CDH13: variants seen among roughly 807,000 people sequenced by gnomAD.
CDH13 encodes the protein cadherin-13.
Under a neutral mutation model 63.8 loss-of-function variants are expected in CDH13, and 24 were observed. The observed-to-expected ratio is 0.38, with a 90% CI of 0.27 to 0.53. The LOEUF (loss-of-function observed/expected upper bound fraction) is 0.53, where lower values mean the gene tolerates loss of function less well. Ranked by LOEUF, CDH13 falls within the 20% of genes least tolerant of loss-of-function variation. The pLI is 0.85. For missense variants in CDH13, 1,049 were observed against 903.1 expected (o/e 1.16, Z -2.07); for synonymous variants, 503 against 355.3 (o/e 1.42, Z -4.67).
intron 11 of CDH13, among the ~76,000 whole-genome samples, chr16:83,769,946 C>T (rs1044700682): frequency 2.0e-5 from 3 of 152,138 alleles, no homozygotes; most frequent in African/African-American, 4.8e-5. Context: ...TACTTGGTTA[C>T]GGTACATGAC....
At chr16:83,698,691 C>T (rs1039901281) in intron 10 of CDH13, among the ~76,000 whole-genome samples, 1 of 152,202 alleles carries the variant, frequency 6.6e-6, no homozygotes, top group African/African-American at 2.4e-5. Flanking sequence ...GCTAACAAGC[C>T]GGGTCAGTAA....
intron 2 of CDH13, among the ~76,000 whole-genome samples, chr16:82,867,321 C>T (rs771551073): frequency 1.4e-4 from 21 of 152,086 alleles, no homozygotes; most frequent in African/African-American, 4.1e-4. Context: ...GGAAATTTGC[C>T]GGTGTGTTTT....
intron 5 of CDH13, among the ~76,000 whole-genome samples, chr16:83,267,393 A>G (rs931293435): frequency 2.6e-5 from 4 of 152,160 alleles, no homozygotes; most frequent in Non-Finnish European, 5.9e-5. Context: ...TACCAGTGTC[A>G]GAGGCAGGCA....
intron 2 of CDH13, among the ~76,000 whole-genome samples, chr16:82,932,195 A>G (rs1482543756): frequency 6.6e-6 from 1 of 152,144 alleles, no homozygotes; most frequent in Non-Finnish European, 1.5e-5. Context: ...CATTTTAAAG[A>G]TTGTTGCTAT....
intron 5 of CDH13, among the ~76,000 whole-genome samples, chr16:83,285,973 C>T (rs2151860768): frequency 6.6e-6 from 1 of 152,302 alleles, no homozygotes; most frequent in East Asian, 1.9e-4. Flanking sequence ...CCATGTCCTG[C>T]CCACTTTCTG....
At chr16:83,385,699 A>G (rs1422331649) in intron 6 of CDH13, among the ~76,000 whole-genome samples, 1 of 152,182 alleles carries the variant, frequency 6.6e-6, no homozygotes, top group Non-Finnish European at 1.5e-5. Context: ...CCAGTGACCA[A>G]TACTAGTCAT....
intron 4 of CDH13, among the ~76,000 whole-genome samples, chr16:83,137,044 A>T (rs1382086521): frequency 6.6e-6 from 1 of 152,180 alleles, no homozygotes; most frequent in Admixed American, 6.5e-5. Flanking sequence ...GGACTCAGGG[A>T]CCGTGACACT....
chr16:82,638,762 C>T (rs898775732), intron 1 of CDH13, among the ~76,000 whole-genome samples: 1 of 145,402 alleles, frequency 6.9e-6, no homozygotes, highest in South Asian at 2.2e-4. Context: ...CTGGTGGGAT[C>T]TCATCTTCTT....
At chr16:83,290,361 G>A (rs1193114008) in intron 5 of CDH13, among the ~76,000 whole-genome samples, 2 of 152,138 alleles carry the variant, frequency 1.3e-5, no homozygotes, top group East Asian at 3.9e-4. Context: ...GAGGCATCCA[G>A]TGGGAGGTAA....
chr16:83,535,729 T>C (rs182286172), intron 7 of CDH13, among the ~76,000 whole-genome samples: 2,364 of 151,882 alleles, frequency 0.016, 51 homozygotes, highest in African/African-American at 0.04. Flanking sequence ...TTTTGGAGTG[T>C]CATGAATATT....
At chr16:83,749,570 A>G (rs1231521071) in intron 11 of CDH13, among the ~76,000 whole-genome samples, 2 of 152,254 alleles carry the variant, frequency 1.3e-5, no homozygotes, top group South Asian at 2.1e-4. Flanking sequence ...CAGATGATTC[A>G]TTTGATAGAA....
chr16:82,885,023 C>A (rs1272503663), intron 2 of CDH13, among the ~76,000 whole-genome samples: 4 of 152,260 alleles, frequency 2.6e-5, no homozygotes, highest in East Asian at 1.9e-4. Context: ...CAGGAGGCTA[C>A]TTTGTGTTTT....
At chr16:83,771,124 C>T (rs929186958) in intron 11 of CDH13, among the ~76,000 whole-genome samples, 2 of 152,134 alleles carry the variant, frequency 1.3e-5, no homozygotes, top group African/African-American at 4.8e-5. Flanking sequence ...TTGGACTTTT[C>T]CTAGACTGTA....
chr16:83,650,882 G>C (rs777906220), intron 8 of CDH13, among the ~76,000 whole-genome samples: 162 of 152,062 alleles, frequency 1.1e-3, no homozygotes, highest in Non-Finnish European at 2.2e-3. Context: ...AGACCAGCCT[G>C]GGCAACATAG....
intron 3 of CDH13, among the ~76,000 whole-genome samples, chr16:83,087,963 G>C (rs2033695417): frequency 6.6e-6 from 1 of 152,176 alleles, no homozygotes; most frequent in Non-Finnish European, 1.5e-5. Flanking sequence ...TAGGCCTCAT[G>C]CTTGGGACTG....
At chr16:83,550,255 C>A (rs986465912) in intron 7 of CDH13, among the ~76,000 whole-genome samples, 1 of 152,204 alleles carries the variant, frequency 6.6e-6, no homozygotes, top group African/African-American at 2.4e-5. Flanking sequence ...AGCTGGCCAG[C>A]AGGAGTTTGA....
intron 1 of CDH13, among the ~76,000 whole-genome samples, chr16:82,694,296 A>G (rs772721066): frequency 3.3e-5 from 5 of 152,228 alleles, no homozygotes; most frequent in Non-Finnish European, 7.3e-5. Flanking sequence ...GAACAGAGTT[A>G]TTTGAGCTAC....
At chr16:83,044,480 A>G (rs1238872729) in intron 3 of CDH13, among the ~76,000 whole-genome samples, 16 of 152,194 alleles carry the variant, frequency 1.1e-4, no homozygotes, top group African/African-American at 3.9e-4. Flanking sequence ...TTTTCCTGTG[A>G]ATAGAACCTT....
At chr16:83,511,492 C>G (rs1459405127) in intron 7 of CDH13, among the ~76,000 whole-genome samples, 4 of 151,870 alleles carry the variant, frequency 2.6e-5, no homozygotes, top group African/African-American at 9.7e-5. Flanking sequence ...TACTTTCACT[C>G]ACATATACAC....
Sources: allele counts gnomAD v4.1 joint callset (sites outside exome capture counted in the v4.1 genomes callset), GRCh38; gene constraint gnomAD v4.1.1; transcripts MANE v1.5; gene names NCBI Gene and HGNC (gene_info 2026-07-23, HGNC 2026-07-21).